The following RARB variants were observed in gnomAD, a reference collection of about 807,000 sequenced individuals.
RARB encodes the protein retinoic acid receptor beta.
In RARB, 17 loss-of-function variants were observed where a neutral mutation model predicts 51.9. That is an observed-to-expected ratio of 0.33 (90% confidence interval 0.22 to 0.49). The LOEUF (loss-of-function observed/expected upper bound fraction) is 0.49. Among genes scored for constraint, RARB ranks in the 20% least tolerant of loss-of-function variants. The pLI is 0.99. For synonymous variants in RARB, 215 were observed against 195.4 expected, an observed-to-expected ratio of 1.10 and a Z score of -0.84; for missense variants, 369 against 550.8, an observed-to-expected ratio of 0.67 and a Z score of 3.30.
At chr3:24,916,211 T>A (rs1052270338) in intron 2 of RARB, among the ~76,000 whole-genome samples, 2 of 152,168 alleles carry the variant, frequency 1.3e-5, no homozygotes, top group African/African-American at 4.8e-5. Context: ...TCTTTATGAT[T>A]TTGAGGGAAA....
chr3:25,425,847 C>G (rs1404723899), upstream of RARB, among the ~76,000 whole-genome samples: 2 of 152,294 alleles, frequency 1.3e-5, no homozygotes, highest in South Asian at 4.2e-4. Flanking sequence ...TTCCCTGGGA[C>G]CAGTGCATCT....
chr3:25,398,216 A>C (rs575049855), intron 5 of RARB, among the ~76,000 whole-genome samples: 78 of 152,186 alleles, frequency 5.1e-4, no homozygotes, highest in African/African-American at 1.9e-3. Context: ...TGAGAACATA[A>C]AAAAAATGAG....
At chr3:25,203,294 C>T (rs1280801273) in intron 5 of RARB, among the ~76,000 whole-genome samples, 1 of 152,136 alleles carries the variant, frequency 6.6e-6, no homozygotes, top group Non-Finnish European at 1.5e-5. Flanking sequence ...GTAGATCTTC[C>T]TCCATCCCTT....
chr3:25,499,171 G>C (rs1186268180), intron 2 of RARB, among the ~76,000 whole-genome samples: 2 of 152,256 alleles, frequency 1.3e-5, no homozygotes, highest in African/African-American at 4.8e-5. Context: ...TGTTACATGA[G>C]CATTCTTTGC....
At chr3:25,157,380 G>GTGTGTGTGTGTGTGTA (rs758200423) in intron 4 of RARB, among the ~76,000 whole-genome samples, 3 of 146,680 alleles carry the variant, frequency 2.0e-5, no homozygotes, top group South Asian at 2.2e-4. Context: ...GTGTGTGTGT[G>GTGTGTGTGTGTGTGTA]TATATATATG....
intron 5 of RARB, among the ~76,000 whole-genome samples, chr3:25,400,287 C>T (rs901859081): frequency 1.3e-5 from 2 of 151,976 alleles, no homozygotes; most frequent in African/African-American, 4.8e-5. Flanking sequence ...GCCCAGTGAT[C>T]GTGATGAAAT....
intron 4 of RARB, among the ~76,000 whole-genome samples, chr3:25,147,494 C>T (rs922218430): frequency 5.3e-5 from 8 of 152,052 alleles, no homozygotes; most frequent in Admixed American, 5.2e-4. Flanking sequence ...ATAGATTTTC[C>T]TGGGTTGTGT....
chr3:24,907,011 C>A (rs1694882022), intron 2 of RARB, among the ~76,000 whole-genome samples: 1 of 151,990 alleles, frequency 6.6e-6, no homozygotes, highest in Non-Finnish European at 1.5e-5. Flanking sequence ...ATGTAGATAT[C>A]CAGTAGGAAT....
intron 2 of RARB, among the ~76,000 whole-genome samples, chr3:25,471,797 A>G (rs908586376): frequency 1.1e-4 from 16 of 152,176 alleles, no homozygotes; most frequent in African/African-American, 3.9e-4. Context: ...TATTATTGCA[A>G]TTATCCTCTT....
chr3:25,336,865 C>G (rs1486612800), intron 5 of RARB, among the ~76,000 whole-genome samples: 2 of 152,108 alleles, frequency 1.3e-5, no homozygotes, highest in South Asian at 4.1e-4. Context: ...TTGGGAGACC[C>G]AGAGTGTCCT....
intron 2 of RARB, among the ~76,000 whole-genome samples, chr3:25,491,938 C>T (rs1324558235): frequency 1.0e-5 from 1 of 97,650 alleles, no homozygotes; most frequent in African/African-American, 7.8e-5. Flanking sequence ...GAGACTCTGT[C>T]TCAAAAAAAA....
At chr3:25,244,471 A>G (rs553918064) in intron 5 of RARB, among the ~76,000 whole-genome samples, 2 of 152,188 alleles carry the variant, frequency 1.3e-5, no homozygotes, top group Admixed American at 1.3e-4. Flanking sequence ...TTCCCTCTAA[A>G]CACTGCTTTA....
chr3:25,499,709 A>C (rs942840492), intron 2 of RARB, among the ~76,000 whole-genome samples: 1 of 152,220 alleles, frequency 6.6e-6, no homozygotes, highest in African/African-American at 2.4e-5. Context: ...TGATGAAGGG[A>C]ATAGTAGGAT....
chr3:25,071,059 A>G (rs564900095), intron 3 of RARB, among the ~76,000 whole-genome samples: 3 of 152,326 alleles, frequency 2.0e-5, no homozygotes, highest in Non-Finnish European at 2.9e-5. Flanking sequence ...CAAGTGCAAA[A>G]TGGAGACACT....
At chr3:25,025,724 C>T (rs1469874687) in intron 2 of RARB, among the ~76,000 whole-genome samples, 2 of 152,074 alleles carry the variant, frequency 1.3e-5, no homozygotes, top group Non-Finnish European at 2.9e-5. Context: ...TCCCAAAGTT[C>T]TTAGAGTATT....
chr3:25,181,158 T>C (rs1487614109), intron 5 of RARB, among the ~76,000 whole-genome samples: 2 of 152,146 alleles, frequency 1.3e-5, no homozygotes, highest in African/African-American at 4.8e-5. Context: ...TCTTTAAGGA[T>C]ATTGCATTCC....
intron 3 of RARB, among the ~76,000 whole-genome samples, chr3:25,065,289 T>C (rs13324906): frequency 0.04 from 6,085 of 152,260 alleles, 403 homozygotes; most frequent in African/African-American, 0.14. Context: ...TATGTCACTT[T>C]AGTGAAACTC....
At chr3:25,069,286 C>T (rs187060436) in intron 3 of RARB, among the ~76,000 whole-genome samples, 34 of 152,134 alleles carry the variant, frequency 2.2e-4, no homozygotes, top group Non-Finnish European at 2.9e-5. Context: ...TGAAAAATCC[C>T]ACTGATTTAT....
chr3:25,484,587 T>A (rs1308201500), intron 2 of RARB, among the ~76,000 whole-genome samples: 1 of 152,148 alleles, frequency 6.6e-6, no homozygotes, highest in Non-Finnish European at 1.5e-5. Flanking sequence ...GAAAAAAAAA[T>A]TAATATAACA....
Sources: gnomAD v4.1 joint callset for allele counts (sites outside exome capture counted in the v4.1 genomes callset) on GRCh38, gnomAD v4.1.1 for gene constraint, MANE v1.5 for transcripts, NCBI Gene and HGNC (gene_info 2026-07-23, HGNC 2026-07-21) for gene names.